PARD3: variants seen among roughly 807,000 people sequenced by gnomAD.
The protein encoded by PARD3 is partitioning defective 3 homolog.
In PARD3, 75 loss-of-function variants were observed where a neutral mutation model predicts 155.4. That is an observed-to-expected ratio of 0.48 (90% confidence interval 0.40 to 0.58). The LOEUF is 0.58. Ranked by LOEUF, PARD3 falls within the 20% of genes least tolerant of loss-of-function variation. The pLI is 0.00. For missense variants in PARD3, 1,642 were observed against 1,721.7 expected, an observed-to-expected ratio of 0.95 and a Z score of 0.82; for synonymous variants, 576 against 610.5, an observed-to-expected ratio of 0.94 and a Z score of 0.83.
At chr10:34,429,638 T>C (rs2075803838) in intron 5 of PARD3, among the ~76,000 whole-genome samples, 1 of 152,006 alleles carries the variant, frequency 6.6e-6, no homozygotes, top group East Asian at 1.9e-4. Context: ...CGCGCTGGAG[T>C]GCAATGATGT....
At chr10:34,270,140 CTTT>C (rs3039311) in intron 21 of PARD3, among the ~76,000 whole-genome samples, 267 of 121,778 alleles carry the variant, frequency 2.2e-3, no homozygotes, top group African/African-American at 8.0e-3. Flanking sequence ...TAATTTAAAT[CTTT>C]TTTTTTTTTT....
At chr10:34,202,691 A>G (rs1190759543) in intron 22 of PARD3, among the ~76,000 whole-genome samples, 2 of 152,216 alleles carry the variant, frequency 1.3e-5, no homozygotes, top group Non-Finnish European at 2.9e-5. Flanking sequence ...CATTTCTTAT[A>G]TGCATCAATA....
intron 19 of PARD3, among the ~76,000 whole-genome samples, chr10:34,318,705 G>GT (rs1238973433): frequency 2.6e-5 from 4 of 152,186 alleles, no homozygotes; most frequent in East Asian, 3.9e-4. Context: ...ACACAGTTGT[G>GT]TTTTTTTGTT....
At chr10:34,502,829 T>A (rs928327848) in intron 3 of PARD3, among the ~76,000 whole-genome samples, 6 of 152,120 alleles carry the variant, frequency 3.9e-5, no homozygotes, top group Non-Finnish European at 8.8e-5. Flanking sequence ...GAAGGACAGA[T>A]CTTAGACAAG....
In PARD3 at chr10:34,534,066, T is replaced by C. The variant is rs548954845; in HGVS notation, c.223-16907A>G. Among the ~76,000 whole-genome samples, 23 of 152,096 alleles carry C rather than the reference T, an allele frequency of 1.5e-4. No individual in the cohort carries two copies. The South Asian group carries it at 4.8e-3, about 32-fold the overall frequency. On this transcript the variant is annotated intron_variant, in intron 2 of 24. Coordinates refer to ENST00000374788, the MANE Select transcript of PARD3 (RefSeq NM_001184785.2). ...TAACTTTTGGAGGCAGGTCTACTTG[T>C]AAGGCAACAAGTATCAGTGTGAGGA... is the stretch of plus-strand genomic sequence containing the variant.
chr10:34,200,687 C>A (rs1405706215), intron 22 of PARD3, among the ~76,000 whole-genome samples: 1 of 152,194 alleles, frequency 6.6e-6, no homozygotes, highest in East Asian at 1.9e-4. Flanking sequence ...TAGCTGCAGA[C>A]ACAGAGTCGT....
In PARD3 at chr10:34,382,587, T is replaced by C. The variant is rs780725925; in HGVS notation, c.1352A>G (p.Tyr451Cys). The C allele has an allele frequency of 1.2e-5, 20 of 1,613,762 alleles. No individual in the cohort carries two copies. Among genetic ancestry groups the C allele is most frequent in the African/African-American group, 4.0e-5 (3 of 74,922 alleles). The change falls in exon 9 of 25, where the codon TAT becomes TGT. Residue 451 changes from tyrosine (Y) to cysteine (C), a missense_variant. Tyr to Cys is a radical substitution (Grantham distance 194). Coordinates refer to ENST00000374788, the MANE Select transcript of PARD3 (RefSeq NM_001184785.2). ...NVFSTTVSSGYNTKKIGKRLN... is the reference protein window; with the variant it reads ...NVFSTTVSSGCNTKKIGKRLN... ...CCTCTTGCCTATTTTTTTGGTGTTATAACCACTGCTTACAGTCGTACTAAA... is the reference window on the plus strand; with the variant it reads ...CCTCTTGCCTATTTTTTTGGTGTTACAACCACTGCTTACAGTCGTACTAAA...
At position 34,344,850 on chromosome 10, in the gene PARD3, T is replaced by C. The variant is rs911782811; in HGVS notation, c.2219-3034A>G. 3.5e-5 allele frequency: 34 copies of C among 985,264 alleles called. No homozygotes were observed. The African/African-American group carries it at 5.4e-4, about 16-fold the overall frequency. 61.0% of individuals were successfully genotyped at this position (985,264 alleles called of 1,614,324 possible). On this transcript the variant is annotated intron_variant, in intron 15 of 24. Transcript: ENST00000374788. ...GACTCATGATAAAGAAAAACATGCA[T>C]CCAAATTTTGGTTCAGAAGTACAGA...
intron 2 of PARD3, among the ~76,000 whole-genome samples, chr10:34,524,347 A>G (rs563274163): frequency 1.3e-5 from 2 of 152,318 alleles, no homozygotes; most frequent in South Asian, 4.1e-4. Flanking sequence ...TTGAACACTC[A>G]TGCCTAATAG....
At chr10:34,507,548 C>CAAAAAAAAAAAAAAAAAAAAAA (rs374421524) in intron 3 of PARD3, among the ~76,000 whole-genome samples, 1 of 43,000 alleles carries the variant, frequency 2.3e-5, no homozygotes, top group Admixed American at 2.3e-4. Context: ...ATTAAAAAAA[C>CAAAAAAAAAAAAAAAAAAAAAA]AAAAAAAAAA....
intron 3 of PARD3, among the ~76,000 whole-genome samples, chr10:34,486,329 T>C (rs539520099): frequency 6.6e-6 from 1 of 152,300 alleles, no homozygotes; most frequent in East Asian, 1.9e-4. Context: ...TACATTGGTA[T>C]GTTCTTGGCC....
chr10:34,433,811 A>G (rs1420706967), intron 5 of PARD3, among the ~76,000 whole-genome samples: 1 of 152,220 alleles, frequency 6.6e-6, no homozygotes, highest in Non-Finnish European at 1.5e-5. Context: ...AAAGCCCTTT[A>G]TAATAACAAA....
At position 34,596,452 on chromosome 10, in the gene PARD3, T is replaced by C. The variant is rs186777994; in HGVS notation, c.223-79293A>G. Among the ~76,000 whole-genome samples the C allele has an allele frequency of 5.9e-5, 9 of 152,276 alleles. No homozygotes were observed. The East Asian group carries it at 1.4e-3, about 23-fold the overall frequency. On this transcript the variant is annotated intron_variant, in intron 2 of 24. Transcript: ENST00000374788. Reference sequence around the variant, plus strand: ...GGAGGACTCAGCAAGCTTACAATCATGGCGGAAGGCACCTCTTCACAAGAT... The same window carrying C: ...GGAGGACTCAGCAAGCTTACAATCACGGCGGAAGGCACCTCTTCACAAGAT...
chr10:34,685,326 A>T (rs1007119137), intron 2 of PARD3, among the ~76,000 whole-genome samples: 1 of 152,222 alleles, frequency 6.6e-6, no homozygotes, highest in South Asian at 2.1e-4. Flanking sequence ...TATTTCCCCA[A>T]GATGGAAAGA....
chr10:34,651,949 A>C (rs2093026324), intron 2 of PARD3, among the ~76,000 whole-genome samples: 1 of 152,208 alleles, frequency 6.6e-6, no homozygotes, highest in Non-Finnish European at 1.5e-5. Flanking sequence ...AAGAAGTTCC[A>C]AGAAGCAGGC....
intron 18 of PARD3, among the ~76,000 whole-genome samples, chr10:34,331,851 CA>C (rs892385103): frequency 2.2e-4 from 33 of 152,140 alleles, no homozygotes; most frequent in Admixed American, 8.5e-4. Flanking sequence ...TGCAGACCCA[CA>C]ACACTGCATA....
Position 34,736,663 on chromosome 10 carries a change from T to A in PARD3, c.121-40244A>T, listed in dbSNP as rs915411302. ...CTTTATTAATTAATTAATTTATTTA[T>A]TTATTTATTTATTTATTTATTTATT... On this transcript the variant is annotated intron_variant, in intron 1 of 24. Coordinates refer to ENST00000374788, the MANE Select transcript of PARD3 (RefSeq NM_001184785.2). 4.7e-5 allele frequency among the ~76,000 whole-genome samples: 7 copies of A among 148,760 alleles called. No individual in the cohort carries two copies. In the East Asian group the frequency reaches 1.2e-3, roughly 25 times the overall value.
chr10:34,500,300 A>C (rs1034809777), intron 3 of PARD3, among the ~76,000 whole-genome samples: 4 of 152,266 alleles, frequency 2.6e-5, no homozygotes, highest in African/African-American at 9.6e-5. Context: ...AAGATTAGTA[A>C]ATGCCCAAGA....
chr10:34,257,445 A>G (rs1020949823), intron 22 of PARD3, among the ~76,000 whole-genome samples: 1 of 152,234 alleles, frequency 6.6e-6, no homozygotes, highest in African/African-American at 2.4e-5. Context: ...ATCGTGCCAA[A>G]TTGCACATGA....
Sources: gnomAD v4.1 joint callset for allele counts (sites outside exome capture counted in the v4.1 genomes callset) on GRCh38, gnomAD v4.1.1 for gene constraint, MANE v1.5 for transcripts, NCBI Gene and HGNC (gene_info 2026-07-23, HGNC 2026-07-21) for gene names.